Variants in MAP1LC3A observed in about 807,000 individuals in gnomAD.
MAP1LC3A encodes the protein microtubule associated protein 1 light chain 3 alpha.
MAP1LC3A carries 10 observed loss-of-function variants against 15.2 expected under a neutral mutation model. The ratio of observed to expected loss-of-function variants is 0.66; its 90% CI spans 0.41 to 1.12. The LOEUF (loss-of-function observed/expected upper bound fraction) is 1.12, where lower values mean the gene tolerates loss of function less well. Among genes scored for constraint, MAP1LC3A ranks in the 50% most tolerant of loss-of-function variants. The pLI is 0.00. For synonymous variants in MAP1LC3A, 63 were observed against 64.3 expected (o/e 0.98, Z 0.10); for missense variants, 138 against 167.3 (o/e 0.82, Z 0.97).
chr20:34,548,459 G>C (rs1342466894), intron 1 of MAP1LC3A, among the ~76,000 whole-genome samples: 1 of 151,726 alleles, frequency 6.6e-6, no homozygotes, highest in Non-Finnish European at 1.5e-5. Flanking sequence ...GGTGGAGTTA[G>C]AGCTGGAGAG....
At position 34,560,188 on chromosome 20, in the gene MAP1LC3A, C is replaced by CCAT. The variant is rs1982400256; in HGVS notation, c.*292_*294dup. The CCAT allele has an allele frequency of 2.9e-6, 1 of 341,798 alleles. No homozygotes were observed. Among genetic ancestry groups the CCAT allele is most frequent in the East Asian group, 6.2e-5 (1 of 16,144 alleles). 21.2% of individuals were successfully genotyped at this position (341,798 alleles called of 1,614,324 possible). A position where few individuals can be genotyped will look rare whatever the true frequency, so the allele number is the denominator to read the frequency against. On this transcript the variant is annotated 3_prime_UTR_variant, in exon 4 of 4. Transcript: ENST00000360668. ...TTTTTTTAGGCCCCTGCCTGTCTGC[C>CCAT]CATCTGCCCCTCACCCACCCGAGGC... is the stretch of plus-strand genomic sequence containing the variant.
intron 2 of MAP1LC3A, among the ~76,000 whole-genome samples, chr20:34,551,242 T>C (rs560506690): frequency 7.6e-4 from 113 of 148,960 alleles, no homozygotes; most frequent in African/African-American, 2.6e-3. Context: ...ACAGACTCTG[T>C]CTCAAAAAAA....
Position 34,558,834 on chromosome 20 carries a change from G to T in MAP1LC3A, c.-35G>T. 2 of 1,429,086 alleles carry T rather than the reference G, an allele frequency of 1.4e-6. No homozygotes were observed. Among genetic ancestry groups the T allele is most frequent in the South Asian group, 1.4e-5 (1 of 70,844 alleles). The allele number at this position is 1,429,086 out of a possible 1,614,324, so 88.5% of individuals were successfully genotyped here. On this transcript the variant is annotated 5_prime_UTR_variant, in exon 1 of 4. Coordinates refer to ENST00000360668, the MANE Select transcript of MAP1LC3A (RefSeq NM_032514.4). The surrounding 1 kb of genome is among the most constrained non-coding windows in gnomAD (Gnocchi z 4.3). The stretch of plus-strand genomic sequence containing the variant: ...ACCGCAGACACATCCCCGCGCCCCA[G>T]AGCCCCGGCCTGCGCGCCCAGCCGG...
chr20:34,559,240 G>T lies in MAP1LC3A; in HGVS notation c.73G>T (p.Asp25Tyr), dbSNP rs933937753. 2.5e-6 allele frequency: 4 copies of T among 1,605,580 alleles called. No individual in the cohort carries two copies. Among genetic ancestry groups the T allele is most frequent in the Non-Finnish European group, 2.5e-6 (3 of 1,177,096 alleles). ...CTGTAAGGAGGTACAGCAGATCCGC[G>T]ACCAGCACCCCAGCAAAATCCCGGT... Reference protein sequence around the residue: ...DRCKEVQQIRDQHPSKIPVII... With the variant: ...DRCKEVQQIRYQHPSKIPVII... Residue 25 changes from aspartate (D) to tyrosine (Y), a missense_variant, in exon 2 of 4, where the codon GAC (aspartate) becomes TAC (tyrosine). Transcript: ENST00000360668.
At position 34,559,908 on chromosome 20, in the gene MAP1LC3A, AGG is replaced by A; in HGVS notation, c.*15_*16del. The A allele has an allele frequency of 5.0e-6, 8 of 1,606,834 alleles. No homozygotes were observed. Among genetic ancestry groups the A allele is most frequent in the Non-Finnish European group, 6.8e-6 (8 of 1,176,854 alleles). ...AACCTTCGGCTTCTGAGCCAGCAGT[AGG>A]GGGGCTCGGCCTGGGAGTCGGGCGG... On this transcript the variant is annotated 3_prime_UTR_variant, in exon 4 of 4. Transcript: ENST00000360668.
chr20:34,559,040 C>T, intron 1 of MAP1LC3A, 132 bp downstream of exon 1: 6 of 1,333,204 alleles, frequency 4.5e-6, no homozygotes, highest in African/African-American at 1.6e-5. Flanking sequence ...CCGGCCTGGG[C>T]GGGGGCTGCC....
chr20:34,555,941 C>G (rs1319674711), upstream of MAP1LC3A, among the ~76,000 whole-genome samples: 2 of 151,722 alleles, frequency 1.3e-5, no homozygotes, highest in Non-Finnish European at 2.9e-5. Flanking sequence ...CTCCCAGGTT[C>G]GAGCCATTCT....
upstream of MAP1LC3A, among the ~76,000 whole-genome samples, chr20:34,555,293 C>T (rs1485982730): frequency 4.0e-5 from 6 of 151,896 alleles, no homozygotes; most frequent in Non-Finnish European, 1.5e-5. Flanking sequence ...TTACAGAATG[C>T]ACCACCACAC....
At chr20:34,551,467 C>CTTTTTTT (rs58191574) in intron 2 of MAP1LC3A, among the ~76,000 whole-genome samples, 2 of 104,810 alleles carry the variant, frequency 1.9e-5, no homozygotes, top group Non-Finnish European at 1.9e-5. Flanking sequence ...GAACGCTGTC[C>CTTTTTTT]TTTTTTTTTT....
chr20:34,553,468 T>C (rs6088525), intron 2 of MAP1LC3A, among the ~76,000 whole-genome samples: 56,021 of 151,864 alleles, frequency 0.37, 10,741 homozygotes, highest in Admixed American at 0.54. Flanking sequence ...CTCCTCCACG[T>C]TGGCCTCAGT....
chr20:34,547,405 A>G (rs1169049181), intron 1 of MAP1LC3A, among the ~76,000 whole-genome samples: 1 of 147,224 alleles, frequency 6.8e-6, no homozygotes, highest in African/African-American at 2.5e-5. Context: ...TTCTTCCCCA[A>G]CCGCTCCCCA....
At chr20:34,558,600 G>A (rs1982251144), upstream of MAP1LC3A, 8 of 1,204,452 alleles carry the variant, frequency 6.6e-6, no homozygotes, top group Non-Finnish European at 8.3e-6. The surrounding 1 kb of genome is among the most constrained non-coding windows in gnomAD (Gnocchi z 4.3). Context: ...GTCCCGGTCC[G>A]CGGACCCAGG....
upstream of MAP1LC3A, among the ~76,000 whole-genome samples, chr20:34,554,393 T>G (rs6059911): frequency 0.81 from 91,350 of 113,448 alleles, 36,471 homozygotes; most frequent in Admixed American, 0.89. Context: ...TTTTTTTTTT[T>G]AGACAAACTC....
rs1451610046 is a variant in MAP1LC3A at position 34,549,888 on chromosome 20, G to A, written c.-73-17G>A. Reference sequence around the variant, plus strand: ...GCCTCCTGCCTCCGTGCTGATTGCAGGCCCTGTTTCCCCCAGGACTCCATG... The same window carrying A: ...GCCTCCTGCCTCCGTGCTGATTGCAAGCCCTGTTTCCCCCAGGACTCCATG... On this transcript the variant is annotated splice_polypyrimidine_tract_variant and intron_variant, in intron 1 of 4. Transcript: ENST00000374837. 2.7e-6 allele frequency: 3 copies of A among 1,100,672 alleles called. No homozygotes were observed. The Middle Eastern group carries it at 5.9e-4, about 217-fold the overall frequency. The allele number at this position is 1,100,672 out of a possible 1,614,324, so 68.2% of individuals were successfully genotyped here.
chr20:34,554,473 A>G (rs1600568890), upstream of MAP1LC3A, among the ~76,000 whole-genome samples: 1 of 146,308 alleles, frequency 6.8e-6, no homozygotes, highest in East Asian at 2.1e-4. Flanking sequence ...TCCCAGGTTC[A>G]AGTGATTCTC....
upstream of MAP1LC3A, among the ~76,000 whole-genome samples, chr20:34,556,706 T>G (rs1020461828): frequency 2.0e-5 from 3 of 152,120 alleles, no homozygotes; most frequent in African/African-American, 7.2e-5. Flanking sequence ...AAGCAATTCT[T>G]GTGCCTCAGC....
At chr20:34,558,641 C>G (rs1420290272), upstream of MAP1LC3A, 1 of 1,228,040 alleles carries the variant, frequency 8.1e-7, no homozygotes, top group African/African-American at 1.6e-5. The surrounding 1 kb of genome is among the most constrained non-coding windows in gnomAD (Gnocchi z 4.3). Context: ...CGGGTCCGGG[C>G]GGGCGGGTTG....
rs780438200 is a variant in MAP1LC3A, at chr20:34,559,886, C to T, written c.354C>T (p.Thr118=). 35 of 1,610,848 alleles carry T rather than the reference C, an allele frequency of 2.2e-5. No individual in the cohort carries two copies. The highest frequency in any genetic ancestry group is 5.1e-5 in the Admixed American group (3 of 59,246). ...FLYMVYASQE[T]FGF is the part of the protein sequence containing the mutation. ...ATATGGTCTACGCCTCCCAGGAAACCTTCGGCTTCTGAGCCAGCAGTAGGG... is the reference window on the plus strand; with the variant it reads ...ATATGGTCTACGCCTCCCAGGAAACTTTCGGCTTCTGAGCCAGCAGTAGGG... Residue 118 remains threonine, a synonymous_variant, in exon 4 of 4, where the codon ACC becomes ACT. Transcript: ENST00000360668.
intron 1 of MAP1LC3A, among the ~76,000 whole-genome samples, chr20:34,548,673 C>T (rs1468787618): frequency 6.6e-6 from 1 of 151,218 alleles, no homozygotes; most frequent in African/African-American, 2.4e-5. Context: ...GGTCTCAGTC[C>T]CTACAATCTT....
Sources: allele counts gnomAD v4.1 joint callset (sites outside exome capture counted in the v4.1 genomes callset), GRCh38; gene constraint gnomAD v4.1.1; non-coding constraint Gnocchi (gnomAD v3.1); transcripts MANE v1.5; gene names NCBI Gene and HGNC (gene_info 2026-07-23, HGNC 2026-07-21).